HEPACAM2: variants seen among roughly 807,000 people sequenced by gnomAD.
The protein encoded by HEPACAM2 is mitotic kinetics regulator.
In HEPACAM2, 49 loss-of-function variants were observed where a neutral mutation model predicts 49.6. The ratio of observed to expected loss-of-function variants is 0.99; its 90% CI spans 0.78 to 1.25. The LOEUF (loss-of-function observed/expected upper bound fraction) is 1.25, where lower values mean the gene tolerates loss of function less well. Among genes scored for constraint, HEPACAM2 ranks in the 50% most tolerant of loss-of-function variants. The pLI, the probability that HEPACAM2 is intolerant of heterozygous loss-of-function variation, is 0.00. For synonymous variants in HEPACAM2, 197 were observed against 202.9 expected, an observed-to-expected ratio of 0.97 and a Z score of 0.25; for missense variants, 525 against 557.2, an observed-to-expected ratio of 0.94 and a Z score of 0.58.
chr7:93,204,993 G>A (rs977158085), intron 4 of HEPACAM2, among the ~76,000 whole-genome samples: 10 of 151,952 alleles, frequency 6.6e-5, no homozygotes, highest in Non-Finnish European at 1.5e-4. Flanking sequence ...CCAGCTACTT[G>A]GGGGACTGAG....
At chr7:93,192,130 T>G (rs76082718) in intron 9 of HEPACAM2, 124 bp downstream of exon 9, 31,428 of 615,918 alleles carry the variant, frequency 0.051, 1,115 homozygotes, top group East Asian at 0.16. Context: ...TGTGTTCAAA[T>G]GTACAGAAGC....
chr7:93,224,965 T>C lies in HEPACAM2; in HGVS notation c.79+1403A>G, dbSNP rs114940319. 9.7e-3 allele frequency among the ~76,000 whole-genome samples: 1,473 copies of C among 152,270 alleles called. 27 individuals carry two copies. Among genetic ancestry groups the C allele is most frequent in the African/African-American group, 0.033 (1,392 of 41,564 alleles). On this transcript the variant is annotated intron_variant, in intron 1 of 9. Transcript: ENST00000394468. Reference sequence around the variant, plus strand: ...AGATTGCCAAGTCATCTGTGGTCTTTACAACACACTGCCTATGGAGAAAAG... The same window carrying C: ...AGATTGCCAAGTCATCTGTGGTCTTCACAACACACTGCCTATGGAGAAAAG...
intron 4 of HEPACAM2, 118 bp downstream of exon 4, chr7:93,208,462 G>A (rs1794084883): frequency 1.2e-6 from 1 of 856,680 alleles, no homozygotes; most frequent in African/African-American, 1.7e-5. Flanking sequence ...GAGATTTTTA[G>A]AATATATGAA....
intron 3 of HEPACAM2, among the ~76,000 whole-genome samples, chr7:93,212,717 T>C (rs924922390): frequency 2.0e-5 from 3 of 152,072 alleles, no homozygotes; most frequent in African/African-American, 7.2e-5. Context: ...GCTTACAATA[T>C]ACTTTCTTCT....
chr7:93,219,201 G>C lies in HEPACAM2; in HGVS notation c.330C>G (p.Asn110Lys). ...MMPPNASLLI[N>K]PLQFPDEGNY... is the part of the protein sequence containing the mutation. ...TGCCTTCATCAGGGAACTGCAGTGGGTTGATAAGCAGAGATGCATTGGGTG... is the reference window on the plus strand; with the variant it reads ...TGCCTTCATCAGGGAACTGCAGTGGCTTGATAAGCAGAGATGCATTGGGTG... The change falls in exon 2 of 10, where the codon AAC becomes AAG. Residue 110 changes from asparagine (N) to lysine (K), a missense_variant. Coordinates refer to ENST00000394468, the MANE Select transcript of HEPACAM2 (RefSeq NM_001039372.4). 1 of 1,614,012 alleles carries C rather than the reference G, an allele frequency of 6.2e-7. No individual in the cohort carries two copies. The highest frequency in any genetic ancestry group is 1.7e-5 in the Admixed American group (1 of 59,970).
At chr7:93,200,040 T>C (rs1370087440) in intron 4 of HEPACAM2, among the ~76,000 whole-genome samples, 1 of 151,454 alleles carries the variant, frequency 6.6e-6, no homozygotes. Context: ...AGTTTGTTGA[T>C]TTTTTTTAAT....
intron 4 of HEPACAM2, among the ~76,000 whole-genome samples, chr7:93,201,138 TGTTGAAATGAA>T (rs1450768379): frequency 2.0e-5 from 3 of 152,142 alleles, no homozygotes; most frequent in Non-Finnish European, 4.4e-5. Context: ...AATGAAATGA[TGTTGAAATGAA>T]ATAACATTAT....
chr7:93,197,600 C>A lies in HEPACAM2; in HGVS notation c.1023G>T (p.Lys341Asn). The A allele has an allele frequency of 1.3e-6, 2 of 1,583,818 alleles. No homozygotes were observed. The highest frequency in any genetic ancestry group is 1.7e-6 in the Non-Finnish European group (2 of 1,166,044). ...TVIITSVGLE[K>N]LAQKGKSLSP... Reference sequence around the variant, plus strand: ...ACAATGATTTTCCTTTCTGTGCAAGCTTCTCCAGTCCTAAATAAAAAGATA... The same window carrying A: ...ACAATGATTTTCCTTTCTGTGCAAGATTCTCCAGTCCTAAATAAAAAGATA... Residue 341 changes from lysine to asparagine, a missense_variant, in exon 5 of 10, where the codon AAG becomes AAT. Transcript: ENST00000394468.
intron 4 of HEPACAM2, among the ~76,000 whole-genome samples, chr7:93,202,031 C>CAAAAAAAAAAAA (rs1793900818): frequency 1.3e-4 from 3 of 22,760 alleles, no homozygotes; most frequent in Admixed American, 6.0e-4. Flanking sequence ...AAAAAAAAAA[C>CAAAAAAAAAAAA]CAAAAAAAAA....
At chr7:93,211,134 T>C (rs1470442707) in intron 3 of HEPACAM2, among the ~76,000 whole-genome samples, 1 of 152,024 alleles carries the variant, frequency 6.6e-6, no homozygotes, top group Non-Finnish European at 1.5e-5. Context: ...AGAAAACGAA[T>C]ATACAAAACA....
intron 3 of HEPACAM2, 77 bp from the exon 4 acceptor site, chr7:93,208,953 A>G: frequency 7.8e-7 from 1 of 1,287,962 alleles, no homozygotes; most frequent in Non-Finnish European, 1.1e-6. Context: ...AGAGCTTAGT[A>G]GCATTTTACT....
intron 3 of HEPACAM2, among the ~76,000 whole-genome samples, chr7:93,214,577 C>G (rs1018885112): frequency 1.3e-5 from 2 of 152,090 alleles, no homozygotes; most frequent in African/African-American, 4.8e-5. Flanking sequence ...TGAACTTACT[C>G]AAATTGGGGT....
upstream of HEPACAM2, chr7:93,226,477 T>C: frequency 3.9e-6 from 6 of 1,547,668 alleles, no homozygotes; most frequent in Non-Finnish European, 5.3e-6. Flanking sequence ...AGTGGTAACT[T>C]GGACCAGCAG....
At chr7:93,228,365 A>G (rs1794574771), upstream of HEPACAM2, among the ~76,000 whole-genome samples, 1 of 152,208 alleles carries the variant, frequency 6.6e-6, no homozygotes, top group Non-Finnish European at 1.5e-5. Flanking sequence ...CATGGCACAT[A>G]TTGAAATATA....
At position 93,195,862 on chromosome 7, in the gene HEPACAM2, AATTCATAT is replaced by A. The variant is rs780860262; in HGVS notation, c.1233_1240del (p.Tyr412CysfsTer21). The A allele has an allele frequency of 6.2e-7, 1 of 1,613,116 alleles. No individual in the cohort carries two copies. The highest frequency in any genetic ancestry group is 1.7e-5 in the Admixed American group (1 of 59,962). On this transcript the variant is annotated frameshift_variant, in exon 8 of 10. Coordinates refer to ENST00000394468, the MANE Select transcript of HEPACAM2 (RefSeq NM_001039372.4). LOFTEE classifies it high-confidence loss of function. ...ACCAGAAACATCTGGAAAAGCAACA[AATTCATAT>A]ATTCCGAAGTCATCCAGAGCATCTT...
chr7:93,217,876 CTG>C (rs138044928), intron 2 of HEPACAM2, among the ~76,000 whole-genome samples: 35,063 of 139,752 alleles, frequency 0.25, 4,612 homozygotes, highest in East Asian at 0.5. Flanking sequence ...GCATGTGTGT[CTG>C]TGTGTGTGTG....
intron 4 of HEPACAM2, among the ~76,000 whole-genome samples, chr7:93,204,739 A>G (rs1684562072): frequency 1.3e-5 from 2 of 152,140 alleles, no homozygotes; most frequent in African/African-American, 4.8e-5. Flanking sequence ...TACCTTTTAG[A>G]AAGACCATAT....
chr7:93,196,712 G>T (rs1167034597), intron 7 of HEPACAM2, among the ~76,000 whole-genome samples: 1 of 152,118 alleles, frequency 6.6e-6, no homozygotes, highest in Non-Finnish European at 1.5e-5. Flanking sequence ...GTGATTTTGT[G>T]GCCTGAGCCA....
At chr7:93,215,198 A>G (rs1794271096) in intron 3 of HEPACAM2, among the ~76,000 whole-genome samples, 1 of 152,192 alleles carries the variant, frequency 6.6e-6, no homozygotes, top group Non-Finnish European at 1.5e-5. Flanking sequence ...CAGTATTTCA[A>G]CTTGATCTTT....
Sources: gnomAD v4.1 joint callset for allele counts (sites outside exome capture counted in the v4.1 genomes callset) on GRCh38, gnomAD v4.1.1 for gene constraint, MANE v1.5 for transcripts, NCBI Gene and HGNC (gene_info 2026-07-23, HGNC 2026-07-21) for gene names.